Variants in PCCA observed in about 807,000 individuals in gnomAD.
PCCA encodes propionyl-CoA carboxylase alpha chain, mitochondrial.
In PCCA, 74 loss-of-function variants were observed where a neutral mutation model predicts 101.3. That is an observed-to-expected ratio of 0.73 (90% confidence interval 0.61 to 0.89). PCCA has a LOEUF of 0.89. Among genes scored for constraint, PCCA ranks in the 40% least tolerant of loss-of-function variants. PCCA has a pLI of 0.00. For synonymous variants in PCCA, 294 were observed against 313.6 expected, an observed-to-expected ratio of 0.94 and a Z score of 0.66; for missense variants, 891 against 907.0, an observed-to-expected ratio of 0.98 and a Z score of 0.23.
At chr13:100,452,755 G>A (rs1434316101) in intron 21 of PCCA, among the ~76,000 whole-genome samples, 2 of 152,124 alleles carry the variant, frequency 1.3e-5, no homozygotes, top group African/African-American at 4.8e-5. Flanking sequence ...AGCTCCTTGA[G>A]TGCAGGGTGA....
chr13:100,527,028 T>C (rs1029810206), intron 22 of PCCA, among the ~76,000 whole-genome samples: 1 of 152,084 alleles, frequency 6.6e-6, no homozygotes, highest in East Asian at 1.9e-4. Flanking sequence ...GGGACAGTGG[T>C]CCTCGTGGCG....
intron 18 of PCCA, among the ~76,000 whole-genome samples, chr13:100,348,910 C>CT (rs779922371): frequency 4.3e-4 from 22 of 51,542 alleles, no homozygotes; most frequent in Non-Finnish European, 7.6e-4. Flanking sequence ...TCCTTCCTTC[C>CT]TTTCTTTTCT....
intron 19 of PCCA, among the ~76,000 whole-genome samples, chr13:100,418,093 A>T (rs1020333658): frequency 6.6e-6 from 1 of 152,134 alleles, no homozygotes; most frequent in Non-Finnish European, 1.5e-5. Context: ...CCATCCACAG[A>T]CACCACTCCT....
At chr13:100,284,222 A>C (rs1190496132) in intron 12 of PCCA, among the ~76,000 whole-genome samples, 1 of 152,194 alleles carries the variant, frequency 6.6e-6, no homozygotes, top group Non-Finnish European at 1.5e-5. Context: ...CTCTTTTCAC[A>C]TGCCTTTCTT....
chr13:100,099,258 C>A (rs2047050150), intron 1 of PCCA, among the ~76,000 whole-genome samples: 1 of 151,318 alleles, frequency 6.6e-6, no homozygotes, highest in Admixed American at 6.6e-5. Flanking sequence ...GTGGATTTAC[C>A]AGTTTTAACT....
At chr13:100,316,206 G>A (rs186192095) in intron 16 of PCCA, among the ~76,000 whole-genome samples, 2 of 152,136 alleles carry the variant, frequency 1.3e-5, no homozygotes, top group Non-Finnish European at 2.9e-5. Flanking sequence ...AAGAGATAAC[G>A]ATTTAGTTTT....
intron 19 of PCCA, among the ~76,000 whole-genome samples, chr13:100,416,091 G>A (rs776472003): frequency 2.0e-5 from 3 of 152,064 alleles, no homozygotes; most frequent in Non-Finnish European, 2.9e-5. Context: ...AGCGTTATTT[G>A]TACCACAAAT....
At chr13:100,513,413 C>CT (rs1463640823) in intron 21 of PCCA, among the ~76,000 whole-genome samples, 1 of 152,172 alleles carries the variant, frequency 6.6e-6, no homozygotes, top group Admixed American at 6.5e-5. Flanking sequence ...GTAACAAAGA[C>CT]TGCATCTAAA....
intron 6 of PCCA, among the ~76,000 whole-genome samples, chr13:100,183,768 C>T (rs2057005947): frequency 6.6e-6 from 1 of 151,960 alleles, no homozygotes; most frequent in East Asian, 1.9e-4. Context: ...AGAGTAAGCC[C>T]GGAAGGCGAG....
intron 6 of PCCA, among the ~76,000 whole-genome samples, chr13:100,184,971 A>AT (rs773448231): frequency 7.9e-5 from 12 of 152,134 alleles, no homozygotes; most frequent in Non-Finnish European, 1.6e-4. Flanking sequence ...ATATTTACCT[A>AT]TTTTTTCAGT....
At chr13:100,369,003 A>T (rs1482320352) in intron 19 of PCCA, among the ~76,000 whole-genome samples, 1 of 152,054 alleles carries the variant, frequency 6.6e-6, no homozygotes, top group East Asian at 1.9e-4. Context: ...TTGTGGTGAC[A>T]CTCTTTTTGT....
At chr13:100,400,368 A>G (rs572056685) in intron 19 of PCCA, among the ~76,000 whole-genome samples, 1 of 152,284 alleles carries the variant, frequency 6.6e-6, no homozygotes, top group South Asian at 2.1e-4. Context: ...GTACCCATCT[A>G]AAGTGAGAAC....
chr13:100,527,625 A>T, intron 22 of PCCA, 50 bp from the exon 23 acceptor site: 1 of 1,261,114 alleles, frequency 7.9e-7, no homozygotes, highest in Non-Finnish European at 1.2e-6. Flanking sequence ...CCTAAGTGTT[A>T]ATGCAAAATT....
In PCCA at chr13:100,511,250, G is replaced by A. The variant is rs369898324; in HGVS notation, c.1900-4177G>A. Among the ~76,000 whole-genome samples, 37 of 152,104 alleles carry A rather than the reference G, an allele frequency of 2.4e-4. No homozygotes were observed. In the South Asian group the frequency reaches 6.8e-3, roughly 28 times the overall value. On this transcript the variant is annotated intron_variant, in intron 21 of 23. Transcript: ENST00000376285. ...TAAAGATGCATCATTTTTGCATTTC[G>A]CGCTTTCCATCACTTTAAAAACACT...
chr13:100,150,824 T>C, intron 4 of PCCA: 2 of 1,583,980 alleles, frequency 1.3e-6, no homozygotes, highest in South Asian at 2.2e-5. Flanking sequence ...AAACTTTAGC[T>C]GGTTAACACC....
intron 20 of PCCA, 40 bp from the exon 21 acceptor site, chr13:100,449,212 C>G: frequency 7.8e-7 from 1 of 1,276,398 alleles, no homozygotes; most frequent in Non-Finnish European, 1.1e-6. Flanking sequence ...ACAAGCTGTG[C>G]AGATATGAGT....
rs1333383149 is a variant in PCCA, at chr13:100,519,039, C to T, written c.2040+3472C>T. ...CAAATAAAGTCATGATGAGCACATT[C>T]GCTTTGTTAGCCTTTTGATATCAGA... On this transcript the variant is annotated intron_variant, in intron 22 of 23. Transcript: ENST00000376285. Among the ~76,000 whole-genome samples, 6 of 152,200 alleles carry T rather than the reference C, an allele frequency of 3.9e-5. No homozygotes were observed. The South Asian group carries it at 8.3e-4, about 21-fold the overall frequency.
chr13:100,389,956 G>A (rs962946259), intron 19 of PCCA, among the ~76,000 whole-genome samples: 3 of 152,192 alleles, frequency 2.0e-5, no homozygotes, highest in Non-Finnish European at 2.9e-5. Context: ...CTTCATGATG[G>A]AGAATAGGTT....
intron 20 of PCCA, among the ~76,000 whole-genome samples, chr13:100,436,864 C>T (rs887984057): frequency 1.3e-5 from 2 of 152,122 alleles, no homozygotes; most frequent in Non-Finnish European, 2.9e-5. Flanking sequence ...CCAACATTTG[C>T]GAAATCCATA....
Sources: allele counts gnomAD v4.1 joint callset (sites outside exome capture counted in the v4.1 genomes callset), GRCh38; gene constraint gnomAD v4.1.1; transcripts MANE v1.5; gene names NCBI Gene and HGNC (gene_info 2026-07-23, HGNC 2026-07-21).